PSME4: variants seen among roughly 807,000 people sequenced by gnomAD.
The protein encoded by PSME4 is proteasome activator complex subunit 4.
In PSME4, 89 loss-of-function variants were observed where a neutral mutation model predicts 253.9. The observed-to-expected ratio is 0.35, with a 90% confidence interval of 0.30 to 0.42. PSME4 has a LOEUF of 0.42. Among genes scored for constraint, PSME4 ranks in the 10% least tolerant of loss-of-function variants. The pLI is 1.00. For missense variants in PSME4, 2,014 were observed against 2,195.2 expected (o/e 0.92, Z 1.65); for synonymous variants, 851 against 759.2 (o/e 1.12, Z -1.99).
At chr2:53,872,741 CAAAAAAAAAAAAAA>C (rs61308177) in intron 43 of PSME4, among the ~76,000 whole-genome samples, 3 of 48,008 alleles carry the variant, frequency 6.2e-5, no homozygotes, top group African/African-American at 2.4e-4. Context: ...GACTTGGTCT[CAAAAAAAAAAAAAA>C]AAAAAAAAAA....
In PSME4 at chr2:53,937,522, G is replaced by A; in HGVS notation, c.564C>T (p.Ala188=). ...KSCRPYFPAD[A]TAEMLEEWRP... Reference sequence around the variant, plus strand: ...GCCATTCTTCTAGCATCTCAGCGGTGGCATCTGCTGGAAAATATCTAATAA... The same window carrying A: ...GCCATTCTTCTAGCATCTCAGCGGTAGCATCTGCTGGAAAATATCTAATAA... Residue 188 remains alanine, a synonymous_variant, in exon 5 of 47, where the codon GCC becomes GCT. Transcript: ENST00000404125. The A allele has an allele frequency of 1.2e-6, 2 of 1,609,706 alleles. No individual in the cohort carries two copies. The highest frequency in any genetic ancestry group is 1.7e-6 in the Non-Finnish European group (2 of 1,178,922).
intron 41 of PSME4, among the ~76,000 whole-genome samples, chr2:53,885,294 A>G (rs1679585480): frequency 6.6e-6 from 1 of 152,214 alleles, no homozygotes; most frequent in Non-Finnish European, 1.5e-5. Flanking sequence ...GTCCTTTAAC[A>G]TTGTAAAACA....
intron 1 of PSME4, among the ~76,000 whole-genome samples, chr2:53,956,618 G>A (rs537011194): frequency 5.3e-5 from 8 of 151,968 alleles, no homozygotes; most frequent in African/African-American, 9.6e-5. Flanking sequence ...TGTTGCCCAA[G>A]CTGGAGTGCA....
intron 18 of PSME4, 107 bp from the exon 19 acceptor site, chr2:53,920,457 A>G: frequency 8.8e-7 from 1 of 1,135,282 alleles, no homozygotes; most frequent in Non-Finnish European, 1.2e-6. Context: ...ATGTACACAT[A>G]ATCCAAACCT....
chr2:53,891,338 G>C (rs1242808401), intron 36 of PSME4, among the ~76,000 whole-genome samples: 1 of 152,126 alleles, frequency 6.6e-6, no homozygotes, highest in Non-Finnish European at 1.5e-5. Context: ...ATAAAATGCA[G>C]ATTGATTCAT....
At position 53,869,542 on chromosome 2, in the gene PSME4, T is replaced by C. The variant is rs777337658; in HGVS notation, c.5101-4A>G. The C allele has an allele frequency of 4.0e-6, 6 of 1,491,158 alleles. No individual in the cohort carries two copies. The Admixed American group carries it at 7.1e-5, about 18-fold the overall frequency. 92.4% of individuals were successfully genotyped at this position (1,491,158 alleles called of 1,614,324 possible). A position where few individuals can be genotyped will look rare whatever the true frequency, so the allele number is the denominator to read the frequency against. On this transcript the variant is annotated splice_polypyrimidine_tract_variant and splice_region_variant and intron_variant, in intron 43 of 46. Transcript: ENST00000404125. ...TAGTAGCAGCCATTTCTCGAACCTG[T>C]AGATATAATAATTTCTATTAGGACT... is the stretch of plus-strand genomic sequence containing the variant.
intron 33 of PSME4, 119 bp from the exon 34 acceptor site, chr2:53,895,195 T>C: frequency 1.2e-6 from 1 of 802,300 alleles, no homozygotes; most frequent in Non-Finnish European, 2.0e-6. Flanking sequence ...TTTGGGGAGA[T>C]GAGTACAGCA....
intron 1 of PSME4, among the ~76,000 whole-genome samples, chr2:53,954,110 ACGAGGTCAGGAGTT>A (rs1670123222): frequency 6.6e-6 from 1 of 152,104 alleles, no homozygotes; most frequent in Non-Finnish European, 1.5e-5. Context: ...CAGGCAGATC[ACGAGGTCAGGAGTT>A]CGAGATCAGC....
chr2:53,964,883 A>G lies in PSME4; in HGVS notation c.242+5660T>C, dbSNP rs1670644121. ...GATAATCAATCCACGAAGGCTGCAT[A>G]ATATTTGTAATAATAAAACAACTGT... On this transcript the variant is annotated intron_variant, in intron 1 of 46. Transcript: ENST00000404125. 2.0e-5 allele frequency among the ~76,000 whole-genome samples: 3 copies of G among 152,342 alleles called. 1 individual carries two copies. In the South Asian group the frequency reaches 6.2e-4, roughly 32 times the overall value.
intron 1 of PSME4, among the ~76,000 whole-genome samples, chr2:53,952,000 G>A (rs940359011): frequency 1.3e-5 from 2 of 152,138 alleles, no homozygotes; most frequent in African/African-American, 4.8e-5. Flanking sequence ...CTAAATTTAG[G>A]AGCAAAAGCT....
chr2:53,922,480 TCA>T (rs373039674), intron 17 of PSME4, 35 bp downstream of exon 17: 3 of 1,597,756 alleles, frequency 1.9e-6, no homozygotes, highest in East Asian at 2.2e-5. Context: ...GTCAGTGTTT[TCA>T]CAGTCATGTT....
chr2:53,969,688 T>TTG, intron 1 of PSME4, among the ~76,000 whole-genome samples: 1 of 39,122 alleles, frequency 2.6e-5, no homozygotes, highest in East Asian at 2.2e-3. Context: ...TTTTCACTCG[T>TTG]TTTTTTTTTT....
At chr2:53,964,180 A>C (rs1670613832) in intron 1 of PSME4, among the ~76,000 whole-genome samples, 5 of 152,230 alleles carry the variant, frequency 3.3e-5, no homozygotes, top group Admixed American at 3.3e-4. Flanking sequence ...TCTGGAAAAC[A>C]GTAAGGGCCT....
Position 53,869,483 on chromosome 2 carries a change from G to A in PSME4, c.5156C>T (p.Thr1719Ile), listed in dbSNP as rs1678760888. 6.3e-7 allele frequency: 1 copy of A among 1,594,400 alleles called. No homozygotes were observed. Among genetic ancestry groups the A allele is most frequent in the Non-Finnish European group, 8.6e-7 (1 of 1,166,184 alleles). ...LSGLLQCNFL[T>I]MDSPMQIHFE... ...ATGAATCTGCATAGGACTGTCCATG[G>A]TAAGAAAGTTACACTGTAGCAGACC... Residue 1719 changes from threonine (T) to isoleucine (I), a missense_variant, in exon 44 of 47, where the codon ACC (threonine) becomes ATC (isoleucine). Physicochemically the swap from Thr to Ile is moderately conservative, Grantham distance 89. This residue lies in a region of PSME4 where 403 missense variants were observed against 556.1 expected (regional missense o/e 0.72). Coordinates refer to ENST00000404125, the MANE Select transcript of PSME4 (RefSeq NM_014614.3).
chr2:53,892,985 A>T (rs1679978140), intron 35 of PSME4, 25 bp from the exon 36 acceptor site: 1 of 1,592,078 alleles, frequency 6.3e-7, no homozygotes, highest in Admixed American at 1.7e-5. Flanking sequence ...ACTGTTCTTC[A>T]GTACTCAAAT....
chr2:53,925,807 C>T (rs751883142), intron 13 of PSME4, 118 bp from the exon 14 acceptor site: 96 of 1,263,658 alleles, frequency 7.6e-5, no homozygotes, highest in South Asian at 1.1e-4. Flanking sequence ...TTAATTTCTA[C>T]GTGGTTCACA....
At chr2:53,905,794 G>A (rs1420750230) in intron 26 of PSME4, among the ~76,000 whole-genome samples, 1 of 151,834 alleles carries the variant, frequency 6.6e-6, no homozygotes, top group Non-Finnish European at 1.5e-5. Context: ...TGCAGCCTGG[G>A]TAACAGAGAG....
chr2:53,926,043 A>T lies in PSME4; in HGVS notation c.1594-20T>A. On this transcript the variant is annotated intron_variant, in intron 12 of 46. Transcript: ENST00000404125. ...TTCCACCTATAATATCCCAATATGGAGAAAGATTACATATAGCCTTTGTTT... is the reference window on the plus strand; with the variant it reads ...TTCCACCTATAATATCCCAATATGGTGAAAGATTACATATAGCCTTTGTTT... The T allele has an allele frequency of 6.3e-7, 1 of 1,594,112 alleles. No individual in the cohort carries two copies. The highest frequency in any genetic ancestry group is 1.3e-5 in the African/African-American group (1 of 74,568).
rs781703152 is a variant in PSME4 at position 53,927,478 on chromosome 2, T to G, written c.1509A>C (p.Thr503=). Residue 503 remains threonine, a synonymous_variant, in exon 12 of 47, where the codon ACA becomes ACC. Transcript: ENST00000404125. ...DPNDFSKCMI[T]FQFIATFSTL... ...TAGAAAATGTTGCTATGAACTGGAA[T>G]GTGATCTGTGGAAACATACAAAGGA... 1 of 1,577,434 alleles carries G rather than the reference T, an allele frequency of 6.3e-7. No individual in the cohort carries two copies.
Sources: allele counts gnomAD v4.1 joint callset (sites outside exome capture counted in the v4.1 genomes callset), GRCh38; gene constraint gnomAD v4.1.1; regional missense constraint gnomAD v4.1.1; transcripts MANE v1.5; gene names NCBI Gene and HGNC (gene_info 2026-07-23, HGNC 2026-07-21).